Variants in DLG2 observed in about 807,000 individuals in gnomAD.
The protein encoded by DLG2 is disks large homolog 2.
A neutral mutation model predicts 132.5 loss-of-function variants in DLG2; 45 were observed. That is an observed-to-expected ratio of 0.34 (90% CI 0.27 to 0.44). The LOEUF is 0.44. Ranked by LOEUF, DLG2 falls within the 20% of genes least tolerant of loss-of-function variation. DLG2 has a pLI of 1.00. For missense variants in DLG2, 1,045 were observed against 1,196.9 expected, an observed-to-expected ratio of 0.87 and a Z score of 1.87; for synonymous variants, 424 against 419.6, an observed-to-expected ratio of 1.01 and a Z score of -0.13.
At chr11:85,233,042 CT>C (rs1450186675) in intron 4 of DLG2, among the ~76,000 whole-genome samples, 2 of 151,744 alleles carry the variant, frequency 1.3e-5, no homozygotes, top group Non-Finnish European at 2.9e-5. Context: ...AATTTTTTTA[CT>C]TTTTGTACCT....
chr11:83,649,783 G>A (rs1026405482), intron 18 of DLG2, among the ~76,000 whole-genome samples: 4 of 151,972 alleles, frequency 2.6e-5, no homozygotes, highest in African/African-American at 9.7e-5. Context: ...GAGGCATAAG[G>A]GAATTTCTTT....
intron 7 of DLG2, among the ~76,000 whole-genome samples, chr11:84,263,443 C>G (rs959508662): frequency 5.9e-5 from 9 of 152,158 alleles, no homozygotes; most frequent in African/African-American, 1.9e-4. Flanking sequence ...CCTCAAAAAT[C>G]TATATATGGT....
At chr11:83,523,576 C>T (rs2095535927) in intron 21 of DLG2, among the ~76,000 whole-genome samples, 2 of 152,154 alleles carry the variant, frequency 1.3e-5, no homozygotes, top group Non-Finnish European at 1.5e-5. Flanking sequence ...TCAGTTTTCT[C>T]ATCTGCAAAA....
At chr11:84,379,754 A>T (rs2098742723) in intron 7 of DLG2, among the ~76,000 whole-genome samples, 2 of 151,788 alleles carry the variant, frequency 1.3e-5, no homozygotes, top group African/African-American at 4.9e-5. Context: ...AGTTTCAGTA[A>T]TGGAAAATAG....
intron 4 of DLG2, among the ~76,000 whole-genome samples, chr11:85,207,764 A>G (rs1042969313): frequency 2.0e-5 from 3 of 152,072 alleles, no homozygotes; most frequent in African/African-American, 7.2e-5. Flanking sequence ...GAACTTTCTT[A>G]TCACTACTCA....
intron 11 of DLG2, among the ~76,000 whole-genome samples, chr11:84,011,550 G>A (rs1029496146): frequency 7.9e-5 from 12 of 151,998 alleles, no homozygotes; most frequent in African/African-American, 2.9e-4. Flanking sequence ...TACAGATTGT[G>A]AGAAGACTCA....
chr11:84,794,386 C>A (rs1443868532), intron 6 of DLG2, among the ~76,000 whole-genome samples: 3 of 152,290 alleles, frequency 2.0e-5, no homozygotes, highest in Non-Finnish European at 2.9e-5. Context: ...ACAGCTGGGG[C>A]TGTGTACTCC....
At chr11:84,615,879 A>T (rs372502060) in intron 6 of DLG2, among the ~76,000 whole-genome samples, 58 of 147,884 alleles carry the variant, frequency 3.9e-4, no homozygotes, top group Middle Eastern at 3.6e-3. Context: ...CCATTCAGTC[A>T]TTTATCATTC....
Position 85,480,633 on chromosome 11 carries a change from T to C in DLG2, c.40+118024A>G, listed in dbSNP as rs189753049. Among the ~76,000 whole-genome samples the C allele has an allele frequency of 3.3e-5, 5 of 152,294 alleles. No individual in the cohort carries two copies. In the East Asian group the frequency reaches 5.8e-4, roughly 18 times the overall value. On this transcript the variant is annotated intron_variant, in intron 3 of 27. Transcript: ENST00000376104. Reference sequence around the variant, plus strand: ...AAACCAATAAATAAATTCCCAAATGTTAACTATTTTTCCACCAGAACATTC... The same window carrying C: ...AAACCAATAAATAAATTCCCAAATGCTAACTATTTTTCCACCAGAACATTC...
At chr11:83,862,712 A>G (rs933513403) in intron 16 of DLG2, among the ~76,000 whole-genome samples, 16 of 152,172 alleles carry the variant, frequency 1.1e-4, no homozygotes, top group African/African-American at 3.9e-4. Context: ...CTGTCTACAA[A>G]CTTTAAAACT....
chr11:84,926,364 A>G (rs1372205718), intron 6 of DLG2, among the ~76,000 whole-genome samples: 3 of 152,034 alleles, frequency 2.0e-5, no homozygotes, highest in South Asian at 2.1e-4. Context: ...TATCCCAGAT[A>G]TATGTGTGTA....
intron 8 of DLG2, among the ~76,000 whole-genome samples, chr11:84,187,745 G>A (rs1302430032): frequency 6.6e-6 from 1 of 152,024 alleles, no homozygotes; most frequent in Non-Finnish European, 1.5e-5. Context: ...GTAATGATGG[G>A]TATCTGGATG....
At chr11:84,923,094 G>A in intron 6 of DLG2, 1 of 1,613,988 alleles carries the variant, frequency 6.2e-7, no homozygotes, top group Non-Finnish European at 8.5e-7. Flanking sequence ...TTAGTCCGGA[G>A]TGCACAGTAA....
chr11:83,783,662 T>A (rs1423568914), intron 18 of DLG2, among the ~76,000 whole-genome samples: 2 of 152,138 alleles, frequency 1.3e-5, no homozygotes, highest in African/African-American at 4.8e-5. Context: ...TATATTTTGT[T>A]AAATATAGGT....
intron 3 of DLG2, among the ~76,000 whole-genome samples, chr11:85,312,655 C>G (rs181888237): frequency 4.6e-5 from 7 of 151,816 alleles, no homozygotes; most frequent in Non-Finnish European, 1.0e-4. Flanking sequence ...AGATTTGTCT[C>G]CATTTACCTT....
At chr11:85,441,240 T>G (rs1400950925) in intron 3 of DLG2, among the ~76,000 whole-genome samples, 3 of 152,130 alleles carry the variant, frequency 2.0e-5, no homozygotes, top group African/African-American at 7.2e-5. Context: ...CATCACTTTC[T>G]CCCCTGATCC....
intron 3 of DLG2, among the ~76,000 whole-genome samples, chr11:85,351,710 T>C (rs989328989): frequency 1.3e-5 from 2 of 152,236 alleles, no homozygotes; most frequent in African/African-American, 2.4e-5. Flanking sequence ...ATGGATTATA[T>C]TTACTGATTT....
At chr11:84,763,821 T>C (rs1367134734) in intron 6 of DLG2, among the ~76,000 whole-genome samples, 2 of 152,176 alleles carry the variant, frequency 1.3e-5, no homozygotes, top group African/African-American at 4.8e-5. Context: ...TATAAAATGT[T>C]TCACATATAT....
intron 19 of DLG2, among the ~76,000 whole-genome samples, chr11:83,622,140 C>A (rs1291073751): frequency 6.6e-6 from 1 of 152,116 alleles, no homozygotes; most frequent in Non-Finnish European, 1.5e-5. Flanking sequence ...GTTGCCCAGG[C>A]TGGTCTTGAA....
Sources: allele counts gnomAD v4.1 joint callset (sites outside exome capture counted in the v4.1 genomes callset), GRCh38; gene constraint gnomAD v4.1.1; transcripts MANE v1.5; gene names NCBI Gene and HGNC (gene_info 2026-07-23, HGNC 2026-07-21).